KCNT2: variants seen among roughly 807,000 people sequenced by gnomAD.
KCNT2 encodes potassium channel subfamily T member 2.
Under a neutral mutation model 153.8 loss-of-function variants are expected in KCNT2, and 67 were observed. The ratio of observed to expected loss-of-function variants is 0.44; its 90% CI spans 0.36 to 0.53. The LOEUF is 0.53. KCNT2 is among the 20% of genes least tolerant of loss of function. The pLI is 0.00. For missense variants in KCNT2, 975 were observed against 1,354.8 expected (o/e 0.72, Z 4.40); for synonymous variants, 500 against 458.8 (o/e 1.09, Z -1.15).
rs528441646 is a variant in KCNT2 at position 196,484,236 on chromosome 1, C to A, written c.276-1857G>T. Among the ~76,000 whole-genome samples the A allele has an allele frequency of 9.2e-5, 14 of 152,130 alleles. 1 individual carries two copies. Among genetic ancestry groups the A allele is most frequent in the Admixed American group, 9.2e-4 (14 of 15,258 alleles). The stretch of plus-strand genomic sequence containing the variant: ...CATTCTGACTGGCATGAGATGGTAT[C>A]TCACTGTGATTTTGATTTGCATTTT... On this transcript the variant is annotated intron_variant, in intron 3 of 27. Coordinates refer to ENST00000294725, the MANE Select transcript of KCNT2 (RefSeq NM_198503.5).
intron 13 of KCNT2, among the ~76,000 whole-genome samples, chr1:196,380,024 T>G (rs1208434660): frequency 6.6e-6 from 1 of 152,212 alleles, no homozygotes; most frequent in Non-Finnish European, 1.5e-5. Flanking sequence ...TTTTAAAACG[T>G]AAGTGGCAAA....
At chr1:196,568,553 G>C (rs1465905639) in intron 1 of KCNT2, among the ~76,000 whole-genome samples, 1 of 148,632 alleles carries the variant, frequency 6.7e-6, no homozygotes, top group South Asian at 2.1e-4. Context: ...CAGAGATCGC[G>C]CCACTGCACT....
chr1:196,247,238 T>C (rs938985185), intron 26 of KCNT2, among the ~76,000 whole-genome samples: 2 of 152,048 alleles, frequency 1.3e-5, no homozygotes, highest in Admixed American at 6.6e-5. Flanking sequence ...GATGTAACAA[T>C]TGAAAATATA....
intron 25 of KCNT2, among the ~76,000 whole-genome samples, chr1:196,277,056 T>C (rs1377994303): frequency 1.3e-5 from 2 of 152,208 alleles, no homozygotes; most frequent in Non-Finnish European, 2.9e-5. Context: ...TTTGTATGCA[T>C]TTCCTCTTTC....
intron 22 of KCNT2, among the ~76,000 whole-genome samples, chr1:196,297,677 G>A (rs1365114380): frequency 6.6e-6 from 1 of 152,092 alleles, no homozygotes; most frequent in Non-Finnish European, 1.5e-5. Context: ...ATAGAGACAA[G>A]GTAAATATTT....
chr1:196,515,043 T>C (rs1471825591), intron 1 of KCNT2, among the ~76,000 whole-genome samples: 1 of 152,148 alleles, frequency 6.6e-6, no homozygotes, highest in African/African-American at 2.4e-5. Context: ...TTTAGGAAAA[T>C]TGTAAAATAT....
chr1:196,359,655 C>T (rs575438556), intron 14 of KCNT2, among the ~76,000 whole-genome samples: 16 of 151,992 alleles, frequency 1.1e-4, no homozygotes, highest in Non-Finnish European at 2.2e-4. Context: ...ATAATACCTG[C>T]TCTGGCAGAA....
intron 1 of KCNT2, among the ~76,000 whole-genome samples, chr1:196,576,039 CTATT>C (rs1220705849): frequency 1.3e-5 from 2 of 148,600 alleles, no homozygotes; most frequent in African/African-American, 5.0e-5. Flanking sequence ...AATCTAATGA[CTATT>C]TATAAAATAC....
chr1:196,327,245 C>T (rs113025544), intron 18 of KCNT2, among the ~76,000 whole-genome samples: 4 of 151,340 alleles, frequency 2.6e-5, no homozygotes, highest in African/African-American at 9.7e-5. Flanking sequence ...ATAGTAATAT[C>T]ATAATTAGGT....
At chr1:196,338,519 G>C (rs1378819602) in intron 16 of KCNT2, among the ~76,000 whole-genome samples, 1 of 151,978 alleles carries the variant, frequency 6.6e-6, no homozygotes, top group Non-Finnish European at 1.5e-5. Context: ...AGAAAACTAG[G>C]ATTGCCTAAT....
chr1:196,318,102 A>G (rs1662912743), intron 20 of KCNT2, among the ~76,000 whole-genome samples: 1 of 151,402 alleles, frequency 6.6e-6, no homozygotes, highest in Non-Finnish European at 1.5e-5. Context: ...TGCTTTACAC[A>G]GTGTGGCCAG....
chr1:196,228,487 G>T (rs1433225213), intron 27 of KCNT2, 152 bp from the exon 28 acceptor site: 1 of 512,838 alleles, frequency 1.9e-6, no homozygotes, highest in Non-Finnish European at 3.4e-6. Flanking sequence ...TCACTGTTTG[G>T]TTGGCCTTTA....
chr1:196,414,656 T>C (rs1672608940), intron 12 of KCNT2, among the ~76,000 whole-genome samples: 1 of 151,904 alleles, frequency 6.6e-6, no homozygotes, highest in East Asian at 1.9e-4. Context: ...GTGGTTTAAA[T>C]ACAATTTTGA....
At chr1:196,370,816 G>A (rs1244695838) in intron 14 of KCNT2, among the ~76,000 whole-genome samples, 2 of 152,072 alleles carry the variant, frequency 1.3e-5, no homozygotes, top group Non-Finnish European at 1.5e-5. Flanking sequence ...CAACTGATGA[G>A]TGGAAAAATA....
At chr1:196,267,652 C>T (rs975986139) in intron 25 of KCNT2, among the ~76,000 whole-genome samples, 3 of 152,262 alleles carry the variant, frequency 2.0e-5, no homozygotes, top group Non-Finnish European at 4.4e-5. Flanking sequence ...AAACTATCCT[C>T]CTTGGTTACA....
At chr1:196,532,778 T>C (rs1162806491) in intron 1 of KCNT2, among the ~76,000 whole-genome samples, 1 of 152,026 alleles carries the variant, frequency 6.6e-6, no homozygotes, top group East Asian at 1.9e-4. Context: ...TTCTACTTTA[T>C]TAATATACTT....
intron 8 of KCNT2, among the ~76,000 whole-genome samples, chr1:196,454,367 C>G (rs900835382): frequency 1.3e-5 from 2 of 151,734 alleles, no homozygotes; most frequent in African/African-American, 2.4e-5. Flanking sequence ...CAGCCCTTGC[C>G]CTCCTTCCCC....
rs542101561 is a variant in KCNT2, at chr1:196,334,094, G to A, written c.1784-34C>T. On this transcript the variant is annotated intron_variant, in intron 16 of 27. Coordinates refer to ENST00000294725, the MANE Select transcript of KCNT2 (RefSeq NM_198503.5). ...ATAAAACATGAAAATTTATCAAGGC[G>A]TTTGCCATATTGATCACTAGTGTTG... 94 of 1,442,298 alleles carry A rather than the reference G, an allele frequency of 6.5e-5. 2 individuals are homozygous for A. The Admixed American group carries it at 1.0e-3, about 16-fold the overall frequency. The allele number at this position is 1,442,298 out of a possible 1,614,324, so 89.3% of individuals were successfully genotyped here.
intron 1 of KCNT2, among the ~76,000 whole-genome samples, chr1:196,560,442 T>A (rs1340778107): frequency 6.6e-6 from 1 of 151,954 alleles, no homozygotes; most frequent in African/African-American, 2.4e-5. Flanking sequence ...TTTTTAAAAA[T>A]TAGAATTGTG....
Sources: allele counts gnomAD v4.1 joint callset (sites outside exome capture counted in the v4.1 genomes callset), GRCh38; gene constraint gnomAD v4.1.1; transcripts MANE v1.5; gene names NCBI Gene and HGNC (gene_info 2026-07-23, HGNC 2026-07-21).